FNBP1: variants seen among roughly 807,000 people sequenced by gnomAD.
FNBP1 encodes formin-binding protein 1.
Under a neutral mutation model 90.6 loss-of-function variants are expected in FNBP1, and 26 were observed. That is an observed-to-expected ratio of 0.29 (90% CI 0.21 to 0.40). The LOEUF (loss-of-function observed/expected upper bound fraction) is 0.40, where lower values mean the gene tolerates loss of function less well. FNBP1 is among the 10% of genes least tolerant of loss of function. The probability of loss-of-function intolerance (pLI) is 1.00; values close to 1 mark genes in which losing one functional copy is unlikely to be tolerated. For synonymous variants in FNBP1, 260 were observed against 265.2 expected, an observed-to-expected ratio of 0.98 and a Z score of 0.19; for missense variants, 635 against 768.0, an observed-to-expected ratio of 0.83 and a Z score of 2.05.
At chr9:129,987,332 A>G (rs2052435760) in intron 2 of FNBP1, among the ~76,000 whole-genome samples, 1 of 152,058 alleles carries the variant, frequency 6.6e-6, no homozygotes, top group South Asian at 2.1e-4. Flanking sequence ...ACGTTCAAAT[A>G]TAGAACCACG....
intron 1 of FNBP1, among the ~76,000 whole-genome samples, chr9:130,010,911 G>A (rs1037849111): frequency 2.0e-5 from 3 of 151,742 alleles, no homozygotes; most frequent in Non-Finnish European, 1.5e-5. Flanking sequence ...TAAAAGAGCA[G>A]TAGAAACATA....
At chr9:129,902,760 C>T in intron 13 of FNBP1, 109 bp downstream of exon 13, 2 of 1,082,668 alleles carry the variant, frequency 1.8e-6, no homozygotes, top group South Asian at 1.5e-5. Flanking sequence ...CCTGCCATTC[C>T]CACTGTGTAC....
chr9:129,896,386 T>A (rs937935506), intron 15 of FNBP1, among the ~76,000 whole-genome samples: 4 of 152,068 alleles, frequency 2.6e-5, no homozygotes, highest in African/African-American at 9.7e-5. Context: ...CTGTTATTTT[T>A]TGGGGGGGTT....
At chr9:129,896,464 A>G (rs1450583081) in intron 15 of FNBP1, among the ~76,000 whole-genome samples, 1 of 150,900 alleles carries the variant, frequency 6.6e-6, no homozygotes, top group Non-Finnish European at 1.5e-5. Flanking sequence ...ACTCACTGCA[A>G]CCTCCACCTC....
chr9:130,016,929 C>T (rs558842249), intron 1 of FNBP1, among the ~76,000 whole-genome samples: 1 of 152,136 alleles, frequency 6.6e-6, no homozygotes, highest in South Asian at 2.1e-4. Context: ...ACAGAAGAGT[C>T]CCCTGATCTC....
chr9:129,897,390 G>A (rs1370408055), intron 15 of FNBP1, among the ~76,000 whole-genome samples: 1 of 152,086 alleles, frequency 6.6e-6, no homozygotes, highest in African/African-American at 2.4e-5. Context: ...GGAATATGAA[G>A]TAAAACTGGG....
rs181615436 is a variant in FNBP1 at position 129,988,834 on chromosome 9, C to T, written c.140+6009G>A. Among the ~76,000 whole-genome samples, 85 of 152,244 alleles carry T rather than the reference C, an allele frequency of 5.6e-4. No homozygotes were observed. The South Asian group carries it at 0.011, about 20-fold the overall frequency. On this transcript the variant is annotated intron_variant, in intron 2 of 16. Coordinates refer to ENST00000446176, the MANE Select transcript of FNBP1 (RefSeq NM_015033.3). ...AAAACCAAGTAGTGGATGGATTTGG[C>T]CCATGCTAAGACCTGACCTACAGGA...
At chr9:130,028,277 A>G (rs951305743) in intron 1 of FNBP1, among the ~76,000 whole-genome samples, 3 of 152,382 alleles carry the variant, frequency 2.0e-5, no homozygotes, top group South Asian at 2.1e-4. Flanking sequence ...TCTAAGAAAG[A>G]TAAAGAGGAA....
chr9:130,013,147 A>AT (rs534804868), intron 1 of FNBP1, among the ~76,000 whole-genome samples: 1 of 152,070 alleles, frequency 6.6e-6, no homozygotes, highest in East Asian at 1.9e-4. Context: ...CAATTGTTCT[A>AT]TTTTTTATGT....
chr9:129,933,743 C>T (rs2043072657), intron 6 of FNBP1: 1 of 152,156 alleles, frequency 6.6e-6, no homozygotes, highest in South Asian at 2.1e-4. Context: ...TACAGTCTCA[C>T]TCACTCTCAC....
intron 1 of FNBP1, among the ~76,000 whole-genome samples, chr9:130,035,547 T>C (rs1232790964): frequency 1.3e-5 from 2 of 152,220 alleles, no homozygotes; most frequent in Non-Finnish European, 2.9e-5. Context: ...TGCTGGATTC[T>C]TGTAACAAAT....
chr9:129,890,571 G>A lies in FNBP1; in HGVS notation c.1847-25C>T, dbSNP rs765613546. 1 of 1,568,182 alleles carries A rather than the reference G, an allele frequency of 6.4e-7. No individual in the cohort carries two copies. Among genetic ancestry groups the A allele is most frequent in the Non-Finnish European group, 8.6e-7 (1 of 1,156,408 alleles). ...TCTACAACACAAAGAGAAACAGAAAGAGAAACTCTCTGTTAGAGAGGAAGG... is the reference window on the plus strand; with the variant it reads ...TCTACAACACAAAGAGAAACAGAAAAAGAAACTCTCTGTTAGAGAGGAAGG... On this transcript the variant is annotated intron_variant, in intron 16 of 16. Coordinates refer to ENST00000446176, the MANE Select transcript of FNBP1 (RefSeq NM_015033.3). The surrounding 1 kb of genome is among the most constrained non-coding windows in gnomAD (Gnocchi z 5.8).
chr9:129,939,874 A>G (rs1265983236), intron 6 of FNBP1, among the ~76,000 whole-genome samples: 1 of 152,118 alleles, frequency 6.6e-6, no homozygotes, highest in Non-Finnish European at 1.5e-5. Context: ...GAAAAATGAG[A>G]ACCTGAGCTA....
rs1402438047 is a variant in FNBP1, at chr9:129,900,744, C to G, written c.1429-197G>C. ...GAATGGCCACGTTTTCTGCCTTCGA[C>G]TGTTCAAATGTACTGAAGGACGGTT... On this transcript the variant is annotated intron_variant, in intron 13 of 16. Transcript: ENST00000446176. This position sits in a 1 kb window ranked among gnomAD's most constrained non-coding sequence, Gnocchi z 4.1. Among the ~76,000 whole-genome samples, 2 of 152,258 alleles carry G rather than the reference C, an allele frequency of 1.3e-5. No homozygotes were observed. Among genetic ancestry groups the G allele is most frequent in the Non-Finnish European group, 2.9e-5 (2 of 68,044 alleles).
intron 6 of FNBP1, among the ~76,000 whole-genome samples, chr9:129,950,523 G>T (rs2045997818): frequency 6.6e-6 from 1 of 152,166 alleles, no homozygotes; most frequent in African/African-American, 2.4e-5. Flanking sequence ...AACTGCCTTG[G>T]ATCTGGCCTC....
At chr9:130,018,553 G>GTATTTATTTATTTATT (rs375132451) in intron 1 of FNBP1, among the ~76,000 whole-genome samples, 7 of 151,542 alleles carry the variant, frequency 4.6e-5, no homozygotes, top group African/African-American at 1.5e-4. Context: ...ACTCATTTGG[G>GTATTTATTTATTTATT]TATTTATTTA....
Position 129,957,552 on chromosome 9 carries a change from T to C in FNBP1, c.409-88A>G. 3 of 1,060,214 alleles carry C rather than the reference T, an allele frequency of 2.8e-6. No individual in the cohort carries two copies. Among genetic ancestry groups the C allele is most frequent in the South Asian group, 1.5e-5 (1 of 67,918 alleles). 65.7% of individuals were successfully genotyped at this position (1,060,214 alleles called of 1,614,324 possible). ...TAAAGCTCCCAAAGAGCATTGTTCT[T>C]TTTCTTTTTTTTTTCTTCAGTCAGG... On this transcript the variant is annotated intron_variant, in intron 5 of 16. Coordinates refer to ENST00000446176, the MANE Select transcript of FNBP1 (RefSeq NM_015033.3). The surrounding 1 kb of genome is among the most constrained non-coding windows in gnomAD (Gnocchi z 4.3).
rs558390436 is a variant in FNBP1, at chr9:129,890,370, G to A, written c.*169C>T. ...CCCCACGAGGTGGCCCGGGCTGGGC[G>A]GGAGGGCAGGGCCGCAGGGAGCATG... On this transcript the variant is annotated 3_prime_UTR_variant, in exon 17 of 17. Coordinates refer to ENST00000446176, the MANE Select transcript of FNBP1 (RefSeq NM_015033.3). The surrounding 1 kb of genome is among the most constrained non-coding windows in gnomAD (Gnocchi z 5.8). 19 of 623,978 alleles carry A rather than the reference G, an allele frequency of 3.0e-5. No individual in the cohort carries two copies. Among genetic ancestry groups the A allele is most frequent in the East Asian group, 1.7e-4 (6 of 35,628 alleles). 38.7% of individuals were successfully genotyped at this position (623,978 alleles called of 1,614,324 possible). A position where few individuals can be genotyped will look rare whatever the true frequency, so the allele number is the denominator to read the frequency against.
At chr9:129,955,799 T>G (rs988250459) in intron 6 of FNBP1, among the ~76,000 whole-genome samples, 12 of 150,024 alleles carry the variant, frequency 8.0e-5, no homozygotes, top group Admixed American at 6.7e-5. Flanking sequence ...TATCTCGGTA[T>G]CTCTAAAATA....
Sources: allele counts gnomAD v4.1 joint callset (sites outside exome capture counted in the v4.1 genomes callset), GRCh38; gene constraint gnomAD v4.1.1; non-coding constraint Gnocchi (gnomAD v3.1); transcripts MANE v1.5; gene names NCBI Gene and HGNC (gene_info 2026-07-23, HGNC 2026-07-21).